The following XKR7 variants were observed in gnomAD, a reference collection of about 807,000 sequenced individuals.
XKR7 encodes XK related 7.
In XKR7, 11 loss-of-function variants were observed where a neutral mutation model predicts 42.2. The observed-to-expected ratio is 0.26, with a 90% CI of 0.16 to 0.43. XKR7 has a LOEUF of 0.43. XKR7 is among the 20% of genes least tolerant of loss of function. The pLI, the probability that XKR7 is intolerant of heterozygous loss-of-function variation, is 1.00. For synonymous variants in XKR7, 346 were observed against 366.4 expected, an observed-to-expected ratio of 0.94 and a Z score of 0.64; for missense variants, 710 against 802.2, an observed-to-expected ratio of 0.89 and a Z score of 1.39.
At position 31,989,013 on chromosome 20, in the gene XKR7, C is replaced by T. The variant is rs151306413; in HGVS notation, c.585-6055C>T. 2.2e-3 allele frequency among the ~76,000 whole-genome samples: 338 copies of T among 152,210 alleles called. 2 individuals carry two copies. Among genetic ancestry groups the T allele is most frequent in the African/African-American group, 7.3e-3 (304 of 41,514 alleles). On this transcript the variant is annotated intron_variant, in intron 1 of 2. Coordinates refer to ENST00000562532, the MANE Select transcript of XKR7 (RefSeq NM_001011718.2). Reference sequence around the variant, plus strand: ...GGGACACAGGGGTGATCAAGACAGACGAGATCCCTGCCCTCATGGATTCAC... The same window carrying T: ...GGGACACAGGGGTGATCAAGACAGATGAGATCCCTGCCCTCATGGATTCAC...
At chr20:31,986,030 A>AGACT (rs1364301095) in intron 1 of XKR7, among the ~76,000 whole-genome samples, 1 of 149,996 alleles carries the variant, frequency 6.7e-6, no homozygotes, top group East Asian at 2.0e-4. Context: ...ACAGACAGAC[A>AGACT]GACTACCAAG....
At chr20:31,983,242 C>T (rs2064521789) in intron 1 of XKR7, among the ~76,000 whole-genome samples, 1 of 152,304 alleles carries the variant, frequency 6.6e-6, no homozygotes, top group Non-Finnish European at 1.5e-5. Context: ...ACATGGTCCC[C>T]ACTCTCATGG....
chr20:31,989,977 G>A (rs2064562305), intron 1 of XKR7, among the ~76,000 whole-genome samples: 1 of 152,162 alleles, frequency 6.6e-6, no homozygotes, highest in African/African-American at 2.4e-5. Flanking sequence ...TCCCTGAGGT[G>A]TGGTGTTCTT....
chr20:31,996,397 C>G, intron 2 of XKR7, 108 bp from the exon 3 acceptor site: 1 of 765,600 alleles, frequency 1.3e-6, no homozygotes, highest in African/African-American at 1.8e-5. Flanking sequence ...CCTTTCCTCA[C>G]GCCTCTTCAA....
chr20:31,972,945 C>T (rs2064471059), intron 1 of XKR7, among the ~76,000 whole-genome samples: 1 of 152,174 alleles, frequency 6.6e-6, no homozygotes, highest in Non-Finnish European at 1.5e-5. Flanking sequence ...GGGTTGAGAG[C>T]ACGGACTCTA....
Position 31,996,551 on chromosome 20 carries a change from C to A in XKR7, c.834C>A (p.Ala278=). The A allele has an allele frequency of 6.7e-7, 1 of 1,498,820 alleles. No individual in the cohort carries two copies. Among genetic ancestry groups the A allele is most frequent in the Non-Finnish European group, 8.9e-7 (1 of 1,127,688 alleles). The allele number at this position is 1,498,820 out of a possible 1,614,324, so 92.8% of individuals were successfully genotyped here. A position where few individuals can be genotyped will look rare whatever the true frequency, so the allele number is the denominator to read the frequency against. ...ASLVSLAWTL[A]SYQKVLRDSR... is the part of the protein sequence containing the mutation. ...TCGTGTCTCTGGCCTGGACGCTGGCCTCCTACCAGAAGGTGCTGCGGGACT... is the reference window on the plus strand; with the variant it reads ...TCGTGTCTCTGGCCTGGACGCTGGCATCCTACCAGAAGGTGCTGCGGGACT... The change falls in exon 3 of 3, where the codon GCC becomes GCA. Residue 278 remains alanine, a synonymous_variant. Transcript: ENST00000562532.
intron 1 of XKR7, among the ~76,000 whole-genome samples, chr20:31,992,699 G>C (rs1394965159): frequency 2.0e-5 from 3 of 152,128 alleles, no homozygotes; most frequent in African/African-American, 7.2e-5. Flanking sequence ...ACTGATGCCA[G>C]GATGACCCAG....
At chr20:31,992,116 T>TCAAAACAAAACAAAA (rs60216803) in intron 1 of XKR7, among the ~76,000 whole-genome samples, 19 of 152,062 alleles carry the variant, frequency 1.2e-4, no homozygotes, top group African/African-American at 4.6e-4. Flanking sequence ...AAACTCTGTC[T>TCAAAACAAAACAAAA]CAAAACAAAA....
chr20:31,993,302 C>T (rs1023432712), intron 1 of XKR7, among the ~76,000 whole-genome samples: 2 of 152,094 alleles, frequency 1.3e-5, no homozygotes, highest in Non-Finnish European at 1.5e-5. Flanking sequence ...GGCAAGGAAC[C>T]AGGGCAGAAG....
At position 31,996,230 on chromosome 20, in the gene XKR7, C is replaced by T. The variant is rs186778179; in HGVS notation, c.788-275C>T. Among the ~76,000 whole-genome samples, 17 of 151,916 alleles carry T rather than the reference C, an allele frequency of 1.1e-4. No individual in the cohort carries two copies. The East Asian group carries it at 2.9e-3, about 26-fold the overall frequency. On this transcript the variant is annotated intron_variant, in intron 2 of 2. Transcript: ENST00000562532. Reference sequence around the variant, plus strand: ...CCCCTGAATCCTAACAGCCCCACACCAGAGTCCTAGATGGAGGCCAAACCC... The same window carrying T: ...CCCCTGAATCCTAACAGCCCCACACTAGAGTCCTAGATGGAGGCCAAACCC...
At chr20:31,980,859 C>T (rs1285680427) in intron 1 of XKR7, among the ~76,000 whole-genome samples, 5 of 151,422 alleles carry the variant, frequency 3.3e-5, no homozygotes, top group African/African-American at 9.7e-5. Context: ...CTCAGGAGTT[C>T]GAGACCAGCC....
chr20:31,971,616 G>C (rs1600654770), intron 1 of XKR7, among the ~76,000 whole-genome samples: 3 of 152,304 alleles, frequency 2.0e-5, no homozygotes, highest in Admixed American at 2.0e-4. Context: ...AATGAAGAGG[G>C]AGATGTGTGA....
chr20:31,993,781 G>A (rs115015479), intron 1 of XKR7, among the ~76,000 whole-genome samples: 1,702 of 152,290 alleles, frequency 0.011, 34 homozygotes, highest in African/African-American at 0.039. Context: ...TAGATTAGAC[G>A]GAAGCCTGGG....
rs2064587540 is a variant in XKR7 at position 31,995,523 on chromosome 20, A to T, written c.787+253A>T. 6.6e-6 allele frequency among the ~76,000 whole-genome samples: 1 copy of T among 151,902 alleles called. No individual in the cohort carries two copies. The highest frequency in any genetic ancestry group is 1.5e-5 in the Non-Finnish European group (1 of 67,916). Reference sequence around the variant, plus strand: ...CCCCTCCACTCCCTCGACACCCATCAGCCCCCCTGGGCGCTCCTGCCCTCC... The same window carrying T: ...CCCCTCCACTCCCTCGACACCCATCTGCCCCCCTGGGCGCTCCTGCCCTCC... On this transcript the variant is annotated intron_variant, in intron 2 of 2. Transcript: ENST00000562532. The surrounding 1 kb of genome is among the most constrained non-coding windows in gnomAD (Gnocchi z 4.1).
chr20:31,972,562 C>G (rs1449903899), intron 1 of XKR7, among the ~76,000 whole-genome samples: 1 of 152,218 alleles, frequency 6.6e-6, no homozygotes, highest in Non-Finnish European at 1.5e-5. Flanking sequence ...ACCCTGTCCC[C>G]TCTGACCCTG....
intron 1 of XKR7, among the ~76,000 whole-genome samples, chr20:31,988,710 C>T (rs1048106297): frequency 6.6e-6 from 1 of 152,106 alleles, no homozygotes; most frequent in Non-Finnish European, 1.5e-5. Flanking sequence ...TCAGGCTTCA[C>T]GCAGTTCAAG....
intron 1 of XKR7, among the ~76,000 whole-genome samples, chr20:31,976,141 CAGTT>C (rs2064483647): frequency 6.6e-6 from 1 of 152,210 alleles, no homozygotes; most frequent in South Asian, 2.1e-4. Flanking sequence ...TAGTGGTGCT[CAGTT>C]AGTGTTTGCT....
intron 1 of XKR7, among the ~76,000 whole-genome samples, chr20:31,986,840 A>G (rs550268226): frequency 6.6e-6 from 1 of 150,916 alleles, no homozygotes; most frequent in Admixed American, 6.6e-5. Flanking sequence ...CAAGACACAG[A>G]CAGACAGACC....
At chr20:31,976,093 C>T (rs1278275276) in intron 1 of XKR7, among the ~76,000 whole-genome samples, 1 of 152,196 alleles carries the variant, frequency 6.6e-6, no homozygotes, top group Non-Finnish European at 1.5e-5. Context: ...AAGGCTGATT[C>T]AATTAATATA....
Sources: allele counts gnomAD v4.1 joint callset (sites outside exome capture counted in the v4.1 genomes callset), GRCh38; gene constraint gnomAD v4.1.1; non-coding constraint Gnocchi (gnomAD v3.1); transcripts MANE v1.5; gene names NCBI Gene and HGNC (gene_info 2026-07-23, HGNC 2026-07-21).